The following CCDC3 variants were observed in gnomAD, a reference collection of about 807,000 sequenced individuals.
CCDC3 encodes coiled-coil domain-containing protein 3.
Under a neutral mutation model 21.4 loss-of-function variants are expected in CCDC3, and 24 were observed. The observed-to-expected ratio is 1.12, with a 90% confidence interval of 0.81 to 1.58. The LOEUF is 1.58. CCDC3 is among the 40% of genes most tolerant of loss of function. The pLI is 0.00. For synonymous variants in CCDC3, 186 were observed against 166.0 expected, an observed-to-expected ratio of 1.12 and a Z score of -0.93; for missense variants, 425 against 360.9, an observed-to-expected ratio of 1.18 and a Z score of -1.44.
chr10:12,945,505 T>C lies in CCDC3; in HGVS notation c.550-46826A>G, dbSNP rs145374041. 2.1e-3 allele frequency among the ~76,000 whole-genome samples: 327 copies of C among 152,280 alleles called. 3 individuals carry two copies. Among genetic ancestry groups the C allele is most frequent in the African/African-American group, 7.6e-3 (314 of 41,562 alleles). Reference sequence around the variant, plus strand: ...GAAAGGAATTATATGTGTGATCAAATTCCTAATATTTGCTAATATTTGAAG... The same window carrying C: ...GAAAGGAATTATATGTGTGATCAAACTCCTAATATTTGCTAATATTTGAAG... On this transcript the variant is annotated intron_variant, in intron 2 of 2. Coordinates refer to ENST00000378825, the MANE Select transcript of CCDC3 (RefSeq NM_031455.4).
At position 12,952,076 on chromosome 10, in the gene CCDC3, C is replaced by G. The variant is rs373487996; in HGVS notation, c.549+46262G>C. ...GTACAGAATAGAAATGACTTCTAGC[C>G]ACTTCTAGCCGCCTAGAGAACATAG... On this transcript the variant is annotated intron_variant, in intron 2 of 2. Transcript: ENST00000378825. Among the ~76,000 whole-genome samples the G allele has an allele frequency of 2.0e-4, 31 of 152,274 alleles. No homozygotes were observed. The East Asian group carries it at 2.7e-3, about 13-fold the overall frequency.
At chr10:13,059,933 G>A (rs761174029) in intron 4 of CCDC3, among the ~76,000 whole-genome samples, 1 of 151,866 alleles carries the variant, frequency 6.6e-6, no homozygotes, top group African/African-American at 2.4e-5. Context: ...CTAAAAATAC[G>A]AAACTTAGCC....
At chr10:13,080,407 G>A (rs1218343179) in intron 3 of CCDC3, among the ~76,000 whole-genome samples, 5 of 152,178 alleles carry the variant, frequency 3.3e-5, no homozygotes, top group African/African-American at 1.2e-4. Context: ...TGCAAGAAAT[G>A]TTGTATAATT....
chr10:12,916,209 G>A lies in CCDC3; in HGVS notation c.550-17530C>T, dbSNP rs561157263. Among the ~76,000 whole-genome samples the A allele has an allele frequency of 8.4e-4, 128 of 152,244 alleles. 1 individual carries two copies. Among genetic ancestry groups the A allele is most frequent in the African/African-American group, 2.9e-3 (120 of 41,546 alleles). ...AGCACTTTGGGAGGCCAAGGTGGGC[G>A]GATCACAAGGGCAGGCGATTGAGAC... On this transcript the variant is annotated intron_variant, in intron 2 of 2. Coordinates refer to ENST00000378825, the MANE Select transcript of CCDC3 (RefSeq NM_031455.4).
At chr10:13,099,792 C>T (rs1398268037), upstream of CCDC3, 1 of 152,096 alleles carries the variant, frequency 6.6e-6, no homozygotes, top group African/African-American at 2.4e-5. Flanking sequence ...CAGCGACCCC[C>T]TGCGGCTCCA....
intron 5 of CCDC3, among the ~76,000 whole-genome samples, chr10:13,048,841 G>A (rs140067279): frequency 6.8e-4 from 104 of 152,268 alleles, no homozygotes; most frequent in African/African-American, 2.2e-3. Context: ...AAGAGAGAGG[G>A]AGATTGTGTC....
chr10:13,016,550 G>A (rs2131402238), intron 5 of CCDC3, among the ~76,000 whole-genome samples: 1 of 151,978 alleles, frequency 6.6e-6, no homozygotes, highest in East Asian at 1.9e-4. Context: ...TGGGAGGCAG[G>A]AAGCCGATGT....
chr10:13,019,807 C>G (rs751462942), intron 5 of CCDC3, among the ~76,000 whole-genome samples: 19 of 151,710 alleles, frequency 1.3e-4, no homozygotes, highest in Non-Finnish European at 2.6e-4. Flanking sequence ...ACCAGCCTGA[C>G]CAATATGGTG....
chr10:12,992,321 G>T (rs926566514), intron 2 of CCDC3, among the ~76,000 whole-genome samples: 3 of 152,174 alleles, frequency 2.0e-5, no homozygotes. Flanking sequence ...ACCTCACTGC[G>T]GAGGTTGCAG....
intron 4 of CCDC3, among the ~76,000 whole-genome samples, chr10:13,065,876 C>T (rs1836815200): frequency 6.6e-6 from 1 of 152,156 alleles, no homozygotes; most frequent in African/African-American, 2.4e-5. Flanking sequence ...TTACCAAGTC[C>T]ACATCACCAT....
intron 3 of CCDC3, among the ~76,000 whole-genome samples, chr10:13,093,299 C>T (rs1832598172): frequency 6.6e-6 from 1 of 152,048 alleles, no homozygotes; most frequent in South Asian, 2.1e-4. Flanking sequence ...AGGGGTTTCC[C>T]CTTATAAAAC....
intron 2 of CCDC3, among the ~76,000 whole-genome samples, chr10:12,964,386 A>AG (rs1406907654): frequency 1.3e-5 from 2 of 151,102 alleles, no homozygotes; most frequent in South Asian, 2.1e-4. Flanking sequence ...GAAAAAAAAA[A>AG]AGAGAGAGAA....
At chr10:13,090,417 A>T (rs2131454443) in intron 3 of CCDC3, among the ~76,000 whole-genome samples, 1 of 152,074 alleles carries the variant, frequency 6.6e-6, no homozygotes, top group East Asian at 1.9e-4. Context: ...TCATTGATTG[A>T]TGGGCATTTG....
At chr10:13,032,529 T>C (rs1222317772) in intron 5 of CCDC3, among the ~76,000 whole-genome samples, 1 of 152,102 alleles carries the variant, frequency 6.6e-6, no homozygotes, top group Non-Finnish European at 1.5e-5. Flanking sequence ...GGTATTCAAT[T>C]AGGAAAAGAG....
At chr10:13,034,525 TAAA>T (rs34324335) in intron 5 of CCDC3, among the ~76,000 whole-genome samples, 3 of 142,728 alleles carry the variant, frequency 2.1e-5, no homozygotes, top group Non-Finnish European at 1.5e-5. Flanking sequence ...GCCTAGATCT[TAAA>T]AAAAAAAAAA....
At chr10:12,953,647 C>T (rs894285126) in intron 2 of CCDC3, among the ~76,000 whole-genome samples, 2 of 152,192 alleles carry the variant, frequency 1.3e-5, no homozygotes, top group Non-Finnish European at 2.9e-5. Flanking sequence ...TGGGGGACCA[C>T]GAGCTGGGAG....
intron 2 of CCDC3, among the ~76,000 whole-genome samples, chr10:12,899,443 T>C (rs761322957): frequency 2.0e-5 from 3 of 152,292 alleles, no homozygotes; most frequent in Middle Eastern, 3.4e-3. Context: ...CCCTTTGATC[T>C]AGTAATTCTG....
chr10:13,040,441 G>C (rs1332474074), intron 5 of CCDC3, among the ~76,000 whole-genome samples: 2 of 152,012 alleles, frequency 1.3e-5, no homozygotes, highest in Non-Finnish European at 2.9e-5. Flanking sequence ...GCGGTGGCTC[G>C]CGCCTGTAAT....
chr10:12,936,359 ATTTT>A (rs970923324), intron 2 of CCDC3, among the ~76,000 whole-genome samples: 1 of 151,604 alleles, frequency 6.6e-6, no homozygotes, highest in African/African-American at 2.4e-5. Context: ...TCTTTCAAGA[ATTTT>A]TTTTCTCTTT....
Sources: allele counts gnomAD v4.1 joint callset (sites outside exome capture counted in the v4.1 genomes callset), GRCh38; gene constraint gnomAD v4.1.1; transcripts MANE v1.5; gene names NCBI Gene and HGNC (gene_info 2026-07-23, HGNC 2026-07-21).